ARGLU1: variants seen among roughly 807,000 people sequenced by gnomAD.
ARGLU1 encodes arginine and glutamate rich 1, also known as arginine and glutamate-rich protein 1.
ARGLU1 carries 9 observed loss-of-function variants against 37.6 expected under a neutral mutation model. The ratio of observed to expected loss-of-function variants is 0.24; its 90% confidence interval spans 0.14 to 0.42. The LOEUF (loss-of-function observed/expected upper bound fraction) is 0.42, where lower values mean the gene tolerates loss of function less well. ARGLU1 is among the 10% of genes least tolerant of loss of function. ARGLU1 has a pLI of 1.00. For synonymous variants in ARGLU1, 166 were observed against 138.5 expected (o/e 1.20, Z -1.39); for missense variants, 211 against 359.2 (o/e 0.59, Z 3.34).
chr13:106,544,243 G>GT, intron 3 of ARGLU1, 83 bp from the exon 4 acceptor site: 1 of 1,246,400 alleles, frequency 8.0e-7, no homozygotes, highest in Non-Finnish European at 1.1e-6. Flanking sequence ...TATCTATTAT[G>GT]TATCTACAAA....
intron 3 of ARGLU1, among the ~76,000 whole-genome samples, chr13:106,546,417 T>C (rs1594187553): frequency 6.6e-6 from 1 of 152,346 alleles, no homozygotes; most frequent in East Asian, 1.9e-4. Flanking sequence ...TGTTCCCCCG[T>C]CTTTTGCTCA....
chr13:106,559,774 C>T, intron 1 of ARGLU1, 117 bp from the exon 2 acceptor site: 2 of 1,130,178 alleles, frequency 1.8e-6, no homozygotes, highest in East Asian at 5.1e-5. Context: ...GTGATTTTTT[C>T]AGAATTCATT....
At chr13:106,564,661 C>G (rs889143408) in intron 1 of ARGLU1, among the ~76,000 whole-genome samples, 2 of 152,174 alleles carry the variant, frequency 1.3e-5, no homozygotes, top group African/African-American at 4.8e-5. Flanking sequence ...GAACCGCTCT[C>G]CTCTCTCCAC....
intron 1 of ARGLU1, among the ~76,000 whole-genome samples, chr13:106,565,476 A>T (rs1032053082): frequency 6.6e-5 from 10 of 152,216 alleles, no homozygotes; most frequent in African/African-American, 2.4e-4. Context: ...TTGCCTATTT[A>T]ATGATCTGTC....
rs757752843 is a variant in ARGLU1, at chr13:106,567,740, G to A, written c.180C>T (p.Ser60=). 5.1e-5 allele frequency: 82 copies of A among 1,612,278 alleles called. No homozygotes were observed. The highest frequency in any genetic ancestry group is 6.8e-5 in the Non-Finnish European group (80 of 1,179,278). The change falls in exon 1 of 4, where the codon TCC becomes TCT. Residue 60 remains serine (S), a synonymous_variant. Coordinates refer to ENST00000400198, the MANE Select transcript of ARGLU1 (RefSeq NM_018011.4). This position sits in a 1 kb window ranked among gnomAD's most constrained non-coding sequence, Gnocchi z 4.3. ...RRRESRSRSR[S]TNTAVSRRER... is the part of the protein sequence containing the mutation. ...CGCGCCGGGACACGGCCGTGTTGGT[G>A]GAGCGCGAACGGGACCGCGACTCCC...
Position 106,545,563 on chromosome 13 carries a change from T to A in ARGLU1, c.658-1403A>T, listed in dbSNP as rs144999523. On this transcript the variant is annotated intron_variant, in intron 3 of 3. Transcript: ENST00000400198. ...ATTACTTCTTTTGTCTCCATTGATA[T>A]ATATGTATTTTTTAAATAAAGTGTA... 2.0e-5 allele frequency among the ~76,000 whole-genome samples: 3 copies of A among 152,322 alleles called. No homozygotes were observed. The East Asian group carries it at 5.8e-4, about 29-fold the overall frequency.
chr13:106,567,870 C>A lies in ARGLU1; in HGVS notation c.50G>T (p.Ser17Ile). The A allele has an allele frequency of 6.2e-7, 1 of 1,612,810 alleles. No individual in the cohort carries two copies. The highest frequency in any genetic ancestry group is 8.5e-7 in the Non-Finnish European group (1 of 1,179,856). Residue 17 changes from serine (S) to isoleucine (I), a missense_variant, in exon 1 of 4, where the codon AGC becomes ATC. Transcript: ENST00000400198. This position sits in a 1 kb window ranked among gnomAD's most constrained non-coding sequence, Gnocchi z 4.3. ...RSSSRSKHTKSSKHNKKRSRS... is the reference protein window; with the variant it reads ...RSSSRSKHTKISKHNKKRSRS... ...GCTGCGCTTCTTGTTGTGCTTGCTG[C>A]TCTTGGTGTGCTTGGAGCGGGACGA...
At chr13:106,556,422 T>C (rs1880662848) in intron 3 of ARGLU1, among the ~76,000 whole-genome samples, 1 of 152,188 alleles carries the variant, frequency 6.6e-6, no homozygotes, top group Non-Finnish European at 1.5e-5. Context: ...TTTATGGTCT[T>C]CCTTCATCCC....
rs192282828 is a variant in ARGLU1, at chr13:106,567,114, G to A, written c.347+459C>T. Among the ~76,000 whole-genome samples the A allele has an allele frequency of 2.0e-5, 3 of 152,154 alleles. No homozygotes were observed. The East Asian group carries it at 5.8e-4, about 29-fold the overall frequency. ...CCTGTCCCAAATTTGAGCTTCAATAGAATGCTTCTGGCCAGCTGTGATTCG... is the reference window on the plus strand; with the variant it reads ...CCTGTCCCAAATTTGAGCTTCAATAAAATGCTTCTGGCCAGCTGTGATTCG... On this transcript the variant is annotated intron_variant, in intron 1 of 3. Transcript: ENST00000400198. This position sits in a 1 kb window ranked among gnomAD's most constrained non-coding sequence, Gnocchi z 4.3.
chr13:106,560,166 GT>G (rs1880759407), intron 1 of ARGLU1, among the ~76,000 whole-genome samples: 2 of 152,200 alleles, frequency 1.3e-5, no homozygotes, highest in South Asian at 4.1e-4. Flanking sequence ...ATAGTGCGTA[GT>G]TTTTACTGAA....
chr13:106,566,026 G>C (rs547515951), intron 1 of ARGLU1, among the ~76,000 whole-genome samples: 1 of 152,270 alleles, frequency 6.6e-6, no homozygotes, highest in South Asian at 2.1e-4. Flanking sequence ...AATTATCTCA[G>C]CAATGTCTTA....
At chr13:106,561,555 TTTAA>T (rs1221955756) in intron 1 of ARGLU1, among the ~76,000 whole-genome samples, 1 of 152,078 alleles carries the variant, frequency 6.6e-6, no homozygotes, top group Non-Finnish European at 1.5e-5. Context: ...CAATGTGACT[TTTAA>T]TTAACAATAC....
intron 3 of ARGLU1, among the ~76,000 whole-genome samples, chr13:106,554,906 T>G (rs1280708103): frequency 1.3e-5 from 2 of 151,364 alleles, no homozygotes; most frequent in Non-Finnish European, 2.9e-5. Flanking sequence ...AAAAAAAAAT[T>G]TCTCCAGTAT....
Position 106,544,013 on chromosome 13 carries a change from A to T in ARGLU1, c.805T>A (p.Leu269Ile). The T allele has an allele frequency of 6.3e-7, 1 of 1,584,878 alleles. No homozygotes were observed. The highest frequency in any genetic ancestry group is 8.5e-7 in the Non-Finnish European group (1 of 1,171,132). ...TTTGCAATTTAATCCTGGGTTTTTA[A>T]TGAGAAGGACAGTTTTGGCCTGGAC... ...GKSRPKLSFS[L>I]KTQD Residue 269 changes from leucine (L) to isoleucine (I), a missense_variant, in exon 4 of 4, where the codon TTA becomes ATA. By Grantham distance (5) the Leu-to-Ile change is conservative. Coordinates refer to ENST00000400198, the MANE Select transcript of ARGLU1 (RefSeq NM_018011.4).
rs1367664924 is a variant in ARGLU1, at chr13:106,541,966, T to C, written c.*2030A>G. 1 of 152,156 alleles carries C rather than the reference T, an allele frequency of 6.6e-6. No individual in the cohort carries two copies. Among genetic ancestry groups the C allele is most frequent in the Non-Finnish European group, 1.5e-5 (1 of 68,018 alleles). 9.4% of individuals were successfully genotyped at this position (152,156 alleles called of 1,614,324 possible). ...ATTAAAGACTGGATGGTGTATATTA[T>C]TCACAATTACATCCTCTTTCCCATA... On this transcript the variant is annotated 3_prime_UTR_variant, in exon 4 of 4. Transcript: ENST00000400198.
chr13:106,552,235 C>T (rs78878850), intron 3 of ARGLU1, among the ~76,000 whole-genome samples: 2,167 of 152,248 alleles, frequency 0.014, 58 homozygotes, highest in African/African-American at 0.049. Context: ...TGGTATAACA[C>T]GATGAACTTG....
At chr13:106,561,495 T>C (rs1489289560) in intron 1 of ARGLU1, among the ~76,000 whole-genome samples, 1 of 151,490 alleles carries the variant, frequency 6.6e-6, no homozygotes, top group Non-Finnish European at 1.5e-5. Context: ...AATTAGTAAA[T>C]GTAGAGAAGC....
chr13:106,553,584 C>T (rs1265680334), intron 3 of ARGLU1, among the ~76,000 whole-genome samples: 3 of 152,024 alleles, frequency 2.0e-5, no homozygotes, highest in Non-Finnish European at 4.4e-5. Context: ...TAATAACCCG[C>T]CAACACAGGA....
intron 2 of ARGLU1, chr13:106,558,996 C>T: frequency 4.1e-6 from 4 of 985,374 alleles, no homozygotes; most frequent in Non-Finnish European, 4.8e-6. Flanking sequence ...CAATGTTAGG[C>T]CCTGCTCTTT....
Sources: allele counts gnomAD v4.1 joint callset (sites outside exome capture counted in the v4.1 genomes callset), GRCh38; gene constraint gnomAD v4.1.1; non-coding constraint Gnocchi (gnomAD v3.1); transcripts MANE v1.5; gene names NCBI Gene and HGNC (gene_info 2026-07-23, HGNC 2026-07-21).